PRKAB2: variants seen among roughly 807,000 people sequenced by gnomAD.
PRKAB2 encodes protein kinase AMP-activated non-catalytic subunit beta 2, also known as 5'-AMP-activated protein kinase subunit beta-2.
In PRKAB2, 18 loss-of-function variants were observed where a neutral mutation model predicts 29.8. The observed-to-expected ratio is 0.60, with a 90% CI of 0.42 to 0.89. The LOEUF (loss-of-function observed/expected upper bound fraction) is 0.89, where lower values mean the gene tolerates loss of function less well. Ranked by LOEUF, PRKAB2 falls within the 40% of genes least tolerant of loss-of-function variation. PRKAB2 has a pLI of 0.00. For synonymous variants in PRKAB2, 136 were observed against 125.9 expected (o/e 1.08, Z -0.54); for missense variants, 270 against 344.3 (o/e 0.78, Z 1.71).
intron 5 of PRKAB2, among the ~76,000 whole-genome samples, chr1:147,163,825 T>C (rs1456617558): frequency 6.6e-6 from 1 of 151,996 alleles, no homozygotes; most frequent in Non-Finnish European, 1.5e-5. Flanking sequence ...AATTTAAGAG[T>C]TAATTTTATG....
chr1:147,166,498 C>T lies in PRKAB2; in HGVS notation c.538G>A (p.Asp180Asn). ...GAGAGAGTAAATAATACAAAATTAC[C>T]TCTACAAGATGTCTCAGAACTTTCC... Reference protein sequence around the residue: ...SMESSETSCRDLSSSPPGPYG... With the variant: ...SMESSETSCRNLSSSPPGPYG... Residue 180 changes from aspartate to asparagine, a missense_variant and splice_region_variant, in exon 5 of 8, where the codon GAC becomes AAC. Physicochemically the swap from Asp to Asn is conservative, Grantham distance 23. Around this residue, in one of 2 missense-constraint regions of PRKAB2, gnomAD observed 228 missense variants for 255.5 expected, o/e 0.89. Coordinates refer to ENST00000254101, the MANE Select transcript of PRKAB2 (RefSeq NM_005399.5). The T allele has an allele frequency of 6.2e-7, 1 of 1,612,010 alleles. No individual in the cohort carries two copies. The highest frequency in any genetic ancestry group is 1.1e-5 in the South Asian group (1 of 90,854).
rs1653620013 is a variant in PRKAB2, at chr1:147,155,293, C to T, written c.*4272G>A. 1 of 152,552 alleles carries T rather than the reference C, an allele frequency of 6.6e-6. No homozygotes were observed. The highest frequency in any genetic ancestry group is 6.6e-5 in the Admixed American group (1 of 15,254). The allele number at this position is 152,552 out of a possible 1,614,324, so 9.4% of individuals were successfully genotyped here. Reference sequence around the variant, plus strand: ...ATTGAAAAGCAGCTCTGTACCTCAGCATTAAAGGTTACAAAAAGCACCATT... The same window carrying T: ...ATTGAAAAGCAGCTCTGTACCTCAGTATTAAAGGTTACAAAAAGCACCATT... On this transcript the variant is annotated 3_prime_UTR_variant, in exon 8 of 8. Coordinates refer to ENST00000254101, the MANE Select transcript of PRKAB2 (RefSeq NM_005399.5).
At chr1:147,169,268 T>C (rs1553914049) in intron 2 of PRKAB2, among the ~76,000 whole-genome samples, 1 of 152,222 alleles carries the variant, frequency 6.6e-6, no homozygotes, top group Non-Finnish European at 1.5e-5. Flanking sequence ...ATTCTCTTGA[T>C]ATTCCTCAAA....
At chr1:147,166,013 G>A (rs1159983766) in intron 5 of PRKAB2, among the ~76,000 whole-genome samples, 2 of 152,148 alleles carry the variant, frequency 1.3e-5, no homozygotes, top group African/African-American at 4.8e-5. Flanking sequence ...TGCCCAGGCT[G>A]TTGGTTTTTT....
intron 5 of PRKAB2, among the ~76,000 whole-genome samples, chr1:147,166,125 T>A (rs61027591): frequency 6.6e-6 from 1 of 152,304 alleles, no homozygotes; most frequent in East Asian, 1.9e-4. Context: ...CCAAACAAAC[T>A]ACACACATGT....
chr1:147,171,919 G>C (rs900005416), intron 2 of PRKAB2, 70 bp downstream of exon 2: 1 of 1,545,406 alleles, frequency 6.5e-7, no homozygotes, highest in Non-Finnish European at 8.8e-7. Flanking sequence ...AAAGAACCAA[G>C]AAAGGGAAGA....
intron 5 of PRKAB2, among the ~76,000 whole-genome samples, 154 bp from the exon 6 acceptor site, chr1:147,162,727 G>C (rs1156286844): frequency 6.6e-6 from 1 of 152,142 alleles, no homozygotes; most frequent in Non-Finnish European, 1.5e-5. Context: ...AAGGTAACCA[G>C]AGGAAAAATC....
chr1:147,171,972 G>A lies in PRKAB2; in HGVS notation c.156+17C>T. The A allele has an allele frequency of 1.9e-6, 3 of 1,595,520 alleles. No homozygotes were observed. The highest frequency in any genetic ancestry group is 2.6e-6 in the Non-Finnish European group (3 of 1,171,838). On this transcript the variant is annotated intron_variant, in intron 2 of 7. Coordinates refer to ENST00000254101, the MANE Select transcript of PRKAB2 (RefSeq NM_005399.5). ...CCGCTGCAGTACTGACACCAACTGC[G>A]GGCATGGGACGCTTACCTTGGAGTC...
chr1:147,168,083 T>G (rs1044803436), intron 2 of PRKAB2, 150 bp from the exon 3 acceptor site: 2 of 866,676 alleles, frequency 2.3e-6, no homozygotes, highest in Non-Finnish European at 3.4e-6. Flanking sequence ...TTGAACAAAT[T>G]ATAGAAAAAG....
Position 147,161,770 on chromosome 1 carries a change from G to A in PRKAB2, c.683C>T (p.Ala228Val). Residue 228 changes from alanine (A) to valine (V), a missense_variant, in exon 7 of 8, where the codon GCC becomes GTC. Physicochemically the swap from Ala to Val is moderately conservative, Grantham distance 64. Around this residue, in one of 2 missense-constraint regions of PRKAB2, gnomAD observed 42 missense variants for 88.8 expected, o/e 0.47. Transcript: ENST00000254101. ...AACATGGTTGGGCTCAGGGAGTAAG[G>A]CTGGGTCACACTAAGAGAAAGAGAA... ...NKDTNISCDP[A>V]LLPEPNHVML... 1 of 1,609,898 alleles carries A rather than the reference G, an allele frequency of 6.2e-7. No homozygotes were observed. Among genetic ancestry groups the A allele is most frequent in the Non-Finnish European group, 8.5e-7 (1 of 1,177,704 alleles).
rs368838292 is a variant in PRKAB2 at position 147,166,891 on chromosome 1, T to C, written c.372A>G (p.Gln124=). ...AILDLPEGEH[Q]YKFFVDGQWV... ...ACTGTCCATCCACAAAGAACTTGTATTGGTGCTCTCCCTCAGGGAGGTCCA... is the reference window on the plus strand; with the variant it reads ...ACTGTCCATCCACAAAGAACTTGTACTGGTGCTCTCCCTCAGGGAGGTCCA... The change falls in exon 4 of 8, where the codon CAA becomes CAG. Residue 124 remains glutamine, a synonymous_variant. Transcript: ENST00000254101. 35 of 1,613,968 alleles carry C rather than the reference T, an allele frequency of 2.2e-5. No homozygotes were observed. Among genetic ancestry groups the C allele is most frequent in the Non-Finnish European group, 3.0e-5 (35 of 1,179,988 alleles).
chr1:147,167,788 G>C lies in PRKAB2; in HGVS notation c.302C>G (p.Thr101Ser), dbSNP rs782455277. 1.2e-6 allele frequency: 2 copies of C among 1,613,754 alleles called. No homozygotes were observed. Among genetic ancestry groups the C allele is most frequent in the Non-Finnish European group, 1.7e-6 (2 of 1,179,834 alleles). The change falls in exon 3 of 8, where the codon ACC (threonine) becomes AGC (serine). Residue 101 changes from threonine (T) to serine (S), a missense_variant. Around this residue, in one of 2 missense-constraint regions of PRKAB2, gnomAD observed 228 missense variants for 255.5 expected, o/e 0.89. Coordinates refer to ENST00000254101, the MANE Select transcript of PRKAB2 (RefSeq NM_005399.5). ...TCACCTCTTAATCAGTGGAATCTTGGTGCTCCAATTGTTGAAGGACCCAGA... is the reference window on the plus strand; with the variant it reads ...TCACCTCTTAATCAGTGGAATCTTGCTGCTCCAATTGTTGAAGGACCCAGA... ...FISGSFNNWSTKIPLIKSHND... is the reference protein window; with the variant it reads ...FISGSFNNWSSKIPLIKSHND...
At chr1:147,165,975 T>C (rs1352850762) in intron 5 of PRKAB2, among the ~76,000 whole-genome samples, 1 of 152,190 alleles carries the variant, frequency 6.6e-6, no homozygotes, top group Non-Finnish European at 1.5e-5. Flanking sequence ...TTTTTAAAAA[T>C]TTTTTGTAGA....
At chr1:147,162,199 G>A (rs1338707014) in intron 6 of PRKAB2, among the ~76,000 whole-genome samples, 1 of 152,152 alleles carries the variant, frequency 6.6e-6, no homozygotes, top group Admixed American at 6.5e-5. Flanking sequence ...GTGCTCAAAA[G>A]AAGTCCATAG....
intron 7 of PRKAB2, 40 bp downstream of exon 7, chr1:147,161,672 A>C (rs1653969147): frequency 1.3e-6 from 2 of 1,536,580 alleles, no homozygotes; most frequent in South Asian, 2.3e-5. Context: ...TTGACCTCTC[A>C]TTCCAGGGAG....
At chr1:147,162,775 T>G (rs988791282) in intron 5 of PRKAB2, among the ~76,000 whole-genome samples, 1 of 151,970 alleles carries the variant, frequency 6.6e-6, no homozygotes. Flanking sequence ...CTCCTCAACA[T>G]AGCAACATGA....
rs1553914616 is a variant in PRKAB2 at position 147,172,416 on chromosome 1, C to A, written c.-24+13G>T. 6 of 525,752 alleles carry A rather than the reference C, an allele frequency of 1.1e-5. No individual in the cohort carries two copies. The East Asian group carries it at 2.1e-4, about 18-fold the overall frequency. 32.6% of individuals were successfully genotyped at this position (525,752 alleles called of 1,614,324 possible). A position where few individuals can be genotyped will look rare whatever the true frequency, so the allele number is the denominator to read the frequency against. On this transcript the variant is annotated intron_variant, in intron 1 of 7. Coordinates refer to ENST00000254101, the MANE Select transcript of PRKAB2 (RefSeq NM_005399.5). ...CCCGCGCTCACTGCCAGGGGCGCCC[C>A]CACTCCAGTCACCTCGGGCGATGCG...
rs188433387 is a variant in PRKAB2 at position 147,159,287 on chromosome 1, A to G, written c.*278T>C. ...AGCGCCCCCAAACAGGTCTTGGTGA[A>G]AACCCACAGGCAGAAACAATACTTC... On this transcript the variant is annotated 3_prime_UTR_variant, in exon 8 of 8. Coordinates refer to ENST00000254101, the MANE Select transcript of PRKAB2 (RefSeq NM_005399.5). The G allele has an allele frequency of 7.3e-5, 28 of 385,118 alleles. No individual in the cohort carries two copies. In the Admixed American group the frequency reaches 9.0e-4, roughly 12 times the overall value. 23.9% of individuals were successfully genotyped at this position (385,118 alleles called of 1,614,324 possible).
intron 4 of PRKAB2, 57 bp from the exon 5 acceptor site, chr1:147,166,675 T>A (rs1457337297): frequency 5.0e-6 from 8 of 1,595,904 alleles, no homozygotes; most frequent in Non-Finnish European, 4.3e-6. Flanking sequence ...ATCTCTTCCA[T>A]CCAACCTTCC....
Sources: gnomAD v4.1 joint callset for allele counts (sites outside exome capture counted in the v4.1 genomes callset) on GRCh38, gnomAD v4.1.1 for gene constraint, gnomAD v4.1.1 regional missense constraint, MANE v1.5 for transcripts, NCBI Gene and HGNC (gene_info 2026-07-23, HGNC 2026-07-21) for gene names.